Variants in KIR2DL3 observed in about 807,000 individuals in gnomAD.
The protein encoded by KIR2DL3 is killer cell immunoglobulin-like receptor 2DL3.
Under a neutral mutation model 33.8 loss-of-function variants are expected in KIR2DL3, and 39 were observed. That is an observed-to-expected ratio of 1.15 (90% CI 0.89 to 1.51). KIR2DL3 has a LOEUF of 1.51. Ranked by LOEUF, KIR2DL3 falls within the 40% of genes most tolerant of loss-of-function variation. The pLI, the probability that KIR2DL3 is intolerant of heterozygous loss-of-function variation, is 0.00. For missense variants in KIR2DL3, 462 were observed against 426.2 expected (o/e 1.08, Z -0.74); for synonymous variants, 174 against 160.2 (o/e 1.09, Z -0.65).
chr19:54,749,276 C>G (rs947847885), intron 5 of KIR2DL3, among the ~76,000 whole-genome samples: 3 of 149,024 alleles, frequency 2.0e-5, no homozygotes, highest in African/African-American at 7.5e-5. Context: ...ACCAGGAATC[C>G]CTACATGATT....
chr19:54,741,775 G>T (rs1476274841), intron 2 of KIR2DL3, among the ~76,000 whole-genome samples: 3 of 151,508 alleles, frequency 2.0e-5, no homozygotes, highest in Non-Finnish European at 4.4e-5. Context: ...GGAATCAGAG[G>T]CTACTAGAGA....
At position 54,744,044 on chromosome 19, in the gene KIR2DL3, A is replaced by G. The variant is rs2071751419; in HGVS notation, c.620A>G (p.Tyr207Cys). 1.2e-6 allele frequency: 2 copies of G among 1,614,256 alleles called. No homozygotes were observed. ...TTCGGCTCTTTCCGTGACTCTCCATACGAGTGGTCAAACTCGAGTGACCCA... is the reference window on the plus strand; with the variant it reads ...TTCGGCTCTTTCCGTGACTCTCCATGCGAGTGGTCAAACTCGAGTGACCCA... ...RCFGSFRDSP[Y>C]EWSNSSDPLL... is the part of the protein sequence containing the mutation. The change falls in exon 4 of 8, where the codon TAC becomes TGC. Residue 207 changes from tyrosine (Y) to cysteine (C), a missense_variant. Physicochemically the swap from Tyr to Cys is radical, Grantham distance 194. Coordinates refer to ENST00000342376, the MANE Select transcript of KIR2DL3 (RefSeq NM_015868.3).
intron 1 of KIR2DL3, 43 bp from the exon 2 acceptor site, chr19:54,739,464 G>T (rs2070557715): frequency 1.9e-6 from 3 of 1,613,638 alleles, no homozygotes; most frequent in South Asian, 1.1e-5. Context: ...GGGAGGCCTG[G>T]TTTGCCTGCA....
intron 4 of KIR2DL3, among the ~76,000 whole-genome samples, chr19:54,747,004 T>G (rs1360507826): frequency 4.2e-5 from 6 of 141,944 alleles, no homozygotes. Context: ...AAAAAAACAT[T>G]GGAGGTAAAT....
At chr19:54,743,675 G>T (rs1475063771) in intron 3 of KIR2DL3, 120 bp from the exon 4 acceptor site, 25 of 892,956 alleles carry the variant, frequency 2.8e-5, no homozygotes, top group Admixed American at 6.2e-5. Flanking sequence ...GGGGTGGAGG[G>T]TGAGAGAGAG....
intron 5 of KIR2DL3, among the ~76,000 whole-genome samples, chr19:54,751,002 G>T (rs79464799): frequency 6.2e-4 from 79 of 128,142 alleles, no homozygotes; most frequent in Middle Eastern, 4.3e-3. Context: ...CTGATCTCAG[G>T]ACGTTGCTGT....
At chr19:54,744,936 A>ATATATATG (rs2072130073) in intron 4 of KIR2DL3, among the ~76,000 whole-genome samples, 1 of 23,802 alleles carries the variant, frequency 4.2e-5, no homozygotes, top group African/African-American at 1.3e-4. Context: ...ATATATATAT[A>ATATATATG]TATATATATA....
rs878888222 is a variant in KIR2DL3 at position 54,744,147 on chromosome 19, T to C, written c.664+59T>C. On this transcript the variant is annotated intron_variant, in intron 4 of 7. Transcript: ENST00000342376. The stretch of plus-strand genomic sequence containing the variant: ...GATCCTAGAGCCTTAGCTGAGGAGC[T>C]TCCTGCTGATGATGGAGAGAAGCAT... 45 of 1,601,356 alleles carry C rather than the reference T, an allele frequency of 2.8e-5. No individual in the cohort carries two copies. The South Asian group carries it at 4.8e-4, about 17-fold the overall frequency.
At chr19:54,747,683 G>A (rs1392332417) in intron 5 of KIR2DL3, among the ~76,000 whole-genome samples, 1 of 152,196 alleles carries the variant, frequency 6.6e-6, no homozygotes. Context: ...CTAACTGGAG[G>A]ATAAATTCCT....
intron 5 of KIR2DL3, among the ~76,000 whole-genome samples, chr19:54,747,672 C>T (rs1251817971): frequency 0.012 from 1,875 of 152,254 alleles, 1 homozygote; most frequent in African/African-American, 0.043. Context: ...TGCCTGCATT[C>T]CTAACTGGAG....
chr19:54,746,527 C>T (rs1448085572), intron 4 of KIR2DL3, among the ~76,000 whole-genome samples: 137 of 148,572 alleles, frequency 9.2e-4, no homozygotes, highest in African/African-American at 3.0e-3. Flanking sequence ...TAGGTTCAGG[C>T]CTTAGACTCA....
intron 4 of KIR2DL3, among the ~76,000 whole-genome samples, chr19:54,745,299 T>C (rs1404599013): frequency 1.3e-5 from 2 of 152,168 alleles, no homozygotes; most frequent in Non-Finnish European, 2.9e-5. Flanking sequence ...TACTTTCCTT[T>C]GGATATAAAC....
At chr19:54,740,934 C>CAT (rs2070949693) in intron 2 of KIR2DL3, among the ~76,000 whole-genome samples, 1 of 151,136 alleles carries the variant, frequency 6.6e-6, no homozygotes, top group African/African-American at 2.4e-5. Flanking sequence ...GGAGGAAGGC[C>CAT]AAGATCCATG....
chr19:54,751,870 C>T lies in KIR2DL3; in HGVS notation c.820+117C>T, dbSNP rs1028118525. The T allele has an allele frequency of 3.3e-6, 3 of 913,626 alleles. 1 individual carries two copies. The highest frequency in any genetic ancestry group is 3.7e-5 in the African/African-American group (2 of 53,558). 56.6% of individuals were successfully genotyped at this position (913,626 alleles called of 1,614,324 possible). A position where few individuals can be genotyped will look rare whatever the true frequency, so the allele number is the denominator to read the frequency against. On this transcript the variant is annotated intron_variant, in intron 6 of 7. Coordinates refer to ENST00000342376, the MANE Select transcript of KIR2DL3 (RefSeq NM_015868.3). ...GGTCCCTGGCCCAAGGCAGCAGCCA[C>T]AGAGGGAGGACTTTCTAGAGAGAGC...
At chr19:54,745,700 C>T (rs1313648575) in intron 4 of KIR2DL3, among the ~76,000 whole-genome samples, 3 of 151,774 alleles carry the variant, frequency 2.0e-5, no homozygotes, top group Non-Finnish European at 2.9e-5. Flanking sequence ...ACACTTTTCT[C>T]CGTAAAGGCT....
chr19:54,752,504 A>G lies in KIR2DL3; in HGVS notation c.1011A>G (p.Pro337=), dbSNP rs373564294. The G allele has an allele frequency of 6.1e-6, 9 of 1,464,212 alleles. 1 individual carries two copies. In the African/African-American group the frequency reaches 1.4e-4, roughly 23 times the overall value. The allele number at this position is 1,464,212 out of a possible 1,614,324, so 90.7% of individuals were successfully genotyped here. ...PTDIIVYTEL[P]NAEP ...ATATCATCGTGTACACGGAACTTCC[A>G]AATGCTGAGCCCTGATCCAAAGTTG... is the stretch of plus-strand genomic sequence containing the variant. The change falls in exon 8 of 8, where the codon CCA becomes CCG. Residue 337 remains proline (P), a synonymous_variant. Transcript: ENST00000342376.
rs753571262 is a variant in KIR2DL3, at chr19:54,742,227, C to G, written c.318C>G (p.His106Gln). The G allele has an allele frequency of 6.6e-5, 107 of 1,614,186 alleles. 1 individual carries two copies. The highest frequency in any genetic ancestry group is 5.9e-4 in the South Asian group (54 of 91,080). ...GTYRCYGSVTHSPYQLSAPSD... is the reference protein window; with the variant it reads ...GTYRCYGSVTQSPYQLSAPSD... ...ACAGATGCTACGGTTCTGTTACTCACTCCCCCTATCAGTTGTCAGCTCCCA... is the reference window on the plus strand; with the variant it reads ...ACAGATGCTACGGTTCTGTTACTCAGTCCCCCTATCAGTTGTCAGCTCCCA... Residue 106 changes from histidine to glutamine, a missense_variant, in exon 3 of 8, where the codon CAC becomes CAG. His to Gln is a conservative substitution (Grantham distance 24). Transcript: ENST00000342376.
chr19:54,750,034 G>T lies in KIR2DL3; in HGVS notation c.716-1615G>T, dbSNP rs188920633. Among the ~76,000 whole-genome samples the T allele has an allele frequency of 2.4e-3, 319 of 132,184 alleles. 72 individuals are homozygous for T. Among genetic ancestry groups the T allele is most frequent in the Non-Finnish European group, 4.7e-3 (282 of 60,554 alleles). The allele number at this position is 132,184 out of a possible 152,430, so 86.7% of individuals were successfully genotyped here. A position where few individuals can be genotyped will look rare whatever the true frequency, so the allele number is the denominator to read the frequency against. Reference sequence around the variant, plus strand: ...CTTTATCTTATCCATTAGGCAATGAGCTTAAAACCTCTTCCCTATTTGGCT... The same window carrying T: ...CTTTATCTTATCCATTAGGCAATGATCTTAAAACCTCTTCCCTATTTGGCT... On this transcript the variant is annotated intron_variant, in intron 5 of 7. Transcript: ENST00000342376.
At chr19:54,744,892 A>ACATTTTTTT (rs1293103414) in intron 4 of KIR2DL3, among the ~76,000 whole-genome samples, 11 of 71,308 alleles carry the variant, frequency 1.5e-4, no homozygotes, top group South Asian at 9.7e-4. Context: ...ATATATATAT[A>ACATTTTTTT]TATATACACA....
Sources: gnomAD v4.1 joint callset for allele counts (sites outside exome capture counted in the v4.1 genomes callset) on GRCh38, gnomAD v4.1.1 for gene constraint, MANE v1.5 for transcripts, NCBI Gene and HGNC (gene_info 2026-07-23, HGNC 2026-07-21) for gene names.